The following DGKK variants were observed in gnomAD, a reference collection of about 807,000 sequenced individuals.
DGKK encodes 142 kDa diacylglycerol kinase.
DGKK carries 35 observed loss-of-function variants against 92.2 expected under a neutral mutation model. The ratio of observed to expected loss-of-function variants is 0.38; its 90% CI spans 0.29 to 0.50. The LOEUF is 0.50. DGKK is among the 20% of genes least tolerant of loss of function. The probability of loss-of-function intolerance (pLI) is 0.92; values close to 1 mark genes in which losing one functional copy is unlikely to be tolerated. For synonymous variants in DGKK, 368 were observed against 360.6 expected (o/e 1.02, Z -0.23); for missense variants, 910 against 992.2 (o/e 0.92, Z 1.11).
chrX:50,433,634 T>A (rs143448649), intron 1 of DGKK, among the ~76,000 whole-genome samples: 126 of 111,474 alleles, frequency 1.1e-3, no homozygotes, highest in African/African-American at 3.9e-3. Flanking sequence ...ATGATAAACC[T>A]TCCTGCAGAA....
chrX:50,378,220 T>A lies in DGKK; in HGVS notation c.2989A>T (p.Met997Leu). The A allele has an allele frequency of 8.3e-7, 1 of 1,209,426 alleles. No homozygotes were observed. Residue 997 changes from methionine (M) to leucine (L), a missense_variant, in exon 22 of 28, where the codon ATG becomes TTG. By Grantham distance (15) the Met-to-Leu change is conservative (BLOSUM62 2). Transcript: ENST00000611977. ...HHRIAQCHEVMITIDGEEGIP... is the reference protein window; with the variant it reads ...HHRIAQCHEVLITIDGEEGIP... ...CCTTCTTCACCATCAATGGTTATCA[T>A]CACCTCATGGCACTGCCAGAGAAAA...
intron 20 of DGKK, 90 bp downstream of exon 20, chrX:50,379,537 T>C: frequency 1.3e-6 from 1 of 768,847 alleles, no homozygotes; most frequent in Non-Finnish European, 2.0e-6. Flanking sequence ...CCATTGTCTA[T>C]TTTTCACTTC....
At chrX:50,409,832 G>T (rs1925262837) in intron 4 of DGKK, among the ~76,000 whole-genome samples, 1 of 110,866 alleles carries the variant, frequency 9.0e-6, no homozygotes, top group Non-Finnish European at 1.9e-5. Context: ...CATGAGATTG[G>T]AATCCTCATG....
intron 1 of DGKK, among the ~76,000 whole-genome samples, chrX:50,431,453 C>A (rs1925885414): frequency 1.8e-5 from 2 of 111,729 alleles, no homozygotes; most frequent in Admixed American, 9.5e-5. Context: ...ATGACATGCA[C>A]CACTACCTGT....
intron 1 of DGKK, among the ~76,000 whole-genome samples, chrX:50,466,148 T>C (rs1388030301): frequency 9.4e-6 from 1 of 106,455 alleles, no homozygotes; most frequent in African/African-American, 3.4e-5. Context: ...TAAAGACCAC[T>C]GACCAATACT....
intron 4 of DGKK, among the ~76,000 whole-genome samples, chrX:50,419,868 T>C (rs950069644): frequency 7.1e-5 from 8 of 112,064 alleles, no homozygotes; most frequent in African/African-American, 2.6e-4. Context: ...TACTTATTGC[T>C]CTTCCCTCTA....
At chrX:50,438,409 GT>G (rs782205677) in intron 1 of DGKK, among the ~76,000 whole-genome samples, 36 of 111,623 alleles carry the variant, frequency 3.2e-4, no homozygotes, top group Admixed American at 6.7e-4. Flanking sequence ...AGCTCAGAAT[GT>G]TCAACAGACT....
In DGKK at chrX:50,367,297, A is replaced by G. The variant is rs1923996849; in HGVS notation, c.*1643T>C. On this transcript the variant is annotated 3_prime_UTR_variant, in exon 28 of 28. Coordinates refer to ENST00000611977, the MANE Select transcript of DGKK (RefSeq NM_001013742.4). Reference sequence around the variant, plus strand: ...GAGTCAAGGGTGGGGTGAAGATGCAAGGCTGACCAGAGAGAACCTCTCTGG... The same window carrying G: ...GAGTCAAGGGTGGGGTGAAGATGCAGGGCTGACCAGAGAGAACCTCTCTGG... 1 of 111,680 alleles carries G rather than the reference A, an allele frequency of 9.0e-6. No homozygotes were observed. Among genetic ancestry groups the G allele is most frequent in the African/African-American group, 3.3e-5 (1 of 30,693 alleles). The allele number at this position is 111,680 out of a possible 1,213,427, so 9.2% of individuals were successfully genotyped here.
chrX:50,396,142 C>T (rs1401839268), intron 8 of DGKK, among the ~76,000 whole-genome samples: 6 of 111,429 alleles, frequency 5.4e-5, no homozygotes, highest in East Asian at 2.8e-4. Context: ...TAAAAAAGAG[C>T]GAGGAAGCAA....
chrX:50,396,481 G>A (rs1557226140), intron 8 of DGKK, among the ~76,000 whole-genome samples: 15 of 112,062 alleles, frequency 1.3e-4, no homozygotes, highest in Non-Finnish European at 2.8e-4. Flanking sequence ...TTAAGAAATA[G>A]GAAAAAAGAA....
intron 15 of DGKK, 37 bp downstream of exon 15, chrX:50,386,321 T>C: frequency 9.0e-7 from 1 of 1,106,152 alleles, no homozygotes; most frequent in South Asian, 1.9e-5. Context: ...ACTTTTTCTT[T>C]CCCCTACCTC....
intron 3 of DGKK, among the ~76,000 whole-genome samples, chrX:50,421,718 G>A (rs1462469882): frequency 9.0e-6 from 1 of 111,727 alleles, no homozygotes; most frequent in East Asian, 2.8e-4. Flanking sequence ...TCCTTTCAAG[G>A]GAGGATGGAA....
intron 1 of DGKK, among the ~76,000 whole-genome samples, chrX:50,445,679 T>C (rs1239614281): frequency 3.6e-5 from 4 of 111,765 alleles, no homozygotes; most frequent in African/African-American, 1.3e-4. Context: ...TTTTGGTTAC[T>C]GTAGCCCTTT....
At chrX:50,461,938 G>A (rs1926755916) in intron 1 of DGKK, among the ~76,000 whole-genome samples, 1 of 111,306 alleles carries the variant, frequency 9.0e-6, no homozygotes, top group African/African-American at 3.3e-5. Context: ...GAAACATAAT[G>A]GAGGATGGAT....
chrX:50,430,946 A>C (rs1167556804), intron 1 of DGKK, among the ~76,000 whole-genome samples: 9 of 111,814 alleles, frequency 8.0e-5, no homozygotes, highest in African/African-American at 2.9e-4. Context: ...GGAAAGGGCA[A>C]GTACAGCTGC....
intron 4 of DGKK, among the ~76,000 whole-genome samples, chrX:50,412,323 T>C (rs1228382224): frequency 8.9e-6 from 1 of 112,113 alleles, no homozygotes; most frequent in African/African-American, 3.2e-5. Flanking sequence ...CACAAATAAA[T>C]GGAAAGATAT....
At chrX:50,454,316 TATTG>T (rs1926559845) in intron 1 of DGKK, among the ~76,000 whole-genome samples, 1 of 111,266 alleles carries the variant, frequency 9.0e-6, no homozygotes, top group Admixed American at 9.6e-5. Context: ...AAATTACAGT[TATTG>T]GCACAGCGCT....
At chrX:50,469,403 C>T (rs1380374347) in intron 1 of DGKK, among the ~76,000 whole-genome samples, 1 of 112,976 alleles carries the variant, frequency 8.9e-6, no homozygotes. Context: ...CCCCTCCTCC[C>T]GGAGAACCCT....
chrX:50,449,873 G>T (rs1036676846), intron 1 of DGKK, among the ~76,000 whole-genome samples: 1 of 111,923 alleles, frequency 8.9e-6, no homozygotes, highest in East Asian at 2.8e-4. Flanking sequence ...TGTATGTGGC[G>T]TTTTTTAAAT....
Sources: gnomAD v4.1 joint callset for allele counts (sites outside exome capture counted in the v4.1 genomes callset) on GRCh38, gnomAD v4.1.1 for gene constraint, MANE v1.5 for transcripts, NCBI Gene and HGNC (gene_info 2026-07-23, HGNC 2026-07-21) for gene names.